LEMD1: variants seen among roughly 807,000 people sequenced by gnomAD.
The protein encoded by LEMD1 is LEM domain-containing protein 1.
In LEMD1, 18 loss-of-function variants were observed where a neutral mutation model predicts 17.4. The ratio of observed to expected loss-of-function variants is 1.04; its 90% CI spans 0.72 to 1.54. The LOEUF (loss-of-function observed/expected upper bound fraction) is 1.54, where lower values mean the gene tolerates loss of function less well. Ranked by LOEUF, LEMD1 falls within the 40% of genes most tolerant of loss-of-function variation. The probability of loss-of-function intolerance (pLI) is 0.00; values close to 1 mark genes in which losing one functional copy is unlikely to be tolerated. For missense variants in LEMD1, 195 were observed against 210.4 expected (o/e 0.93, Z 0.45); for synonymous variants, 88 against 77.8 (o/e 1.13, Z -0.69).
At chr1:205,400,987 A>C (rs1664822935) in intron 4 of LEMD1, among the ~76,000 whole-genome samples, 1 of 151,406 alleles carries the variant, frequency 6.6e-6, no homozygotes. Flanking sequence ...GAGAATGATG[A>C]TTTCCAATTT....
At chr1:205,406,500 C>A (rs1219592802) in intron 4 of LEMD1, among the ~76,000 whole-genome samples, 9 of 152,248 alleles carry the variant, frequency 5.9e-5, no homozygotes, top group Non-Finnish European at 1.3e-4. Flanking sequence ...GGGCGTAGGA[C>A]CCTCACATCC....
intron 3 of LEMD1, among the ~76,000 whole-genome samples, chr1:205,418,097 G>A (rs1018452776): frequency 6.6e-6 from 1 of 152,112 alleles, no homozygotes; most frequent in African/African-American, 2.4e-5. Flanking sequence ...TTCTGGGGCT[G>A]CTTCCGAGCT....
At chr1:205,425,825 T>C (rs1666048211), upstream of LEMD1, among the ~76,000 whole-genome samples, 1 of 152,192 alleles carries the variant, frequency 6.6e-6, no homozygotes, top group Non-Finnish European at 1.5e-5. Flanking sequence ...TAATAGCAAA[T>C]ATGCTTTTAA....
At chr1:205,389,815 G>A (rs1364218285) in intron 4 of LEMD1, among the ~76,000 whole-genome samples, 1 of 152,178 alleles carries the variant, frequency 6.6e-6, no homozygotes, top group Non-Finnish European at 1.5e-5. Flanking sequence ...TTAAAACTGA[G>A]TTAACTCCAA....
intron 5 of LEMD1, among the ~76,000 whole-genome samples, chr1:205,383,149 C>T (rs763409056): frequency 5.3e-5 from 8 of 152,116 alleles, no homozygotes; most frequent in South Asian, 4.1e-4. Flanking sequence ...AATGCAGTGG[C>T]GTGATCATAG....
upstream of LEMD1, among the ~76,000 whole-genome samples, chr1:205,423,978 G>A (rs1666023157): frequency 6.6e-6 from 1 of 152,004 alleles, no homozygotes; most frequent in South Asian, 2.1e-4. Context: ...AACGGAAATA[G>A]TAAAAGCCAG....
intron 1 of LEMD1, chr1:205,435,561 T>C (rs2102457935): frequency 6.6e-6 from 1 of 152,290 alleles, no homozygotes. Flanking sequence ...GAAGTACTGG[T>C]TTCAATTCCC....
At chr1:205,437,398 G>A (rs188989315) in intron 1 of LEMD1, 8 of 152,492 alleles carry the variant, frequency 5.2e-5, no homozygotes, top group African/African-American at 1.4e-4. Flanking sequence ...GGCCTAGACA[G>A]GACCTGGAGT....
At chr1:205,428,228 C>A (rs1378130234) in intron 1 of LEMD1, among the ~76,000 whole-genome samples, 1 of 152,198 alleles carries the variant, frequency 6.6e-6, no homozygotes, top group Non-Finnish European at 1.5e-5. Flanking sequence ...ACCCCTCACC[C>A]TGCTTCAACA....
chr1:205,415,265 G>A (rs1665638983), intron 4 of LEMD1, among the ~76,000 whole-genome samples: 1 of 152,184 alleles, frequency 6.6e-6, no homozygotes, highest in South Asian at 2.1e-4. Flanking sequence ...GAAGAAGCGA[G>A]GAAGGAAGGG....
At chr1:205,401,484 A>G (rs1282876590) in intron 4 of LEMD1, among the ~76,000 whole-genome samples, 2 of 152,022 alleles carry the variant, frequency 1.3e-5, no homozygotes, top group African/African-American at 4.8e-5. Flanking sequence ...TTTTGGCTGC[A>G]TAAATGTCTT....
chr1:205,418,705 G>A (rs558889771), intron 3 of LEMD1, among the ~76,000 whole-genome samples: 19 of 152,208 alleles, frequency 1.2e-4, no homozygotes, highest in Non-Finnish European at 1.5e-5. Context: ...TAGTAGAGAC[G>A]AGGTTTCACC....
Position 205,420,496 on chromosome 1 carries a change from T to C in LEMD1, c.41A>G (p.Asn14Ser). The C allele has an allele frequency of 3.1e-6, 5 of 1,614,148 alleles. No individual in the cohort carries two copies. Among genetic ancestry groups the C allele is most frequent in the Non-Finnish European group, 4.2e-6 (5 of 1,180,006 alleles). Residue 14 changes from asparagine to serine, a missense_variant, in exon 2 of 6, where the codon AAC (asparagine) becomes AGC (serine). By Grantham distance (46) the Asn-to-Ser change is conservative. Transcript: ENST00000367153. Reference sequence around the variant, plus strand: ...TGAAAATCCAAGCTTCTCAAGTTGGTTCTGCAATTTACAGTCACTCAGACA... The same window carrying C: ...TGAAAATCCAAGCTTCTCAAGTTGGCTCTGCAATTTACAGTCACTCAGACA... ...VKCLSDCKLQ[N>S]QLEKLGFSPG...
At chr1:205,410,874 AG>A (rs1225780880) in intron 4 of LEMD1, among the ~76,000 whole-genome samples, 1 of 151,784 alleles carries the variant, frequency 6.6e-6, no homozygotes, top group Non-Finnish European at 1.5e-5. Context: ...GAGAAAGGAA[AG>A]AAAGAAAAGA....
intron 4 of LEMD1, among the ~76,000 whole-genome samples, chr1:205,410,800 A>C (rs1665354624): frequency 6.6e-6 from 1 of 152,032 alleles, no homozygotes; most frequent in East Asian, 1.9e-4. Context: ...CAAGGAGGTC[A>C]AGGCTGCAGT....
At chr1:205,385,847 G>A (rs996288131) in intron 4 of LEMD1, 1 of 152,312 alleles carries the variant, frequency 6.6e-6, no homozygotes, top group South Asian at 2.1e-4. Flanking sequence ...AGAGCCTGCA[G>A]GCTGCAGACA....
chr1:205,400,695 T>C (rs1365687530), intron 4 of LEMD1, among the ~76,000 whole-genome samples: 1 of 152,138 alleles, frequency 6.6e-6, no homozygotes, highest in Non-Finnish European at 1.5e-5. Flanking sequence ...TCTTTTTTTT[T>C]CCTTTTTTAA....
upstream of LEMD1, among the ~76,000 whole-genome samples, chr1:205,423,444 G>A (rs939436231): frequency 1.3e-5 from 2 of 152,162 alleles, no homozygotes; most frequent in Admixed American, 1.3e-4. Context: ...GCCAGCAGGT[G>A]GAACTGCTTC....
intron 4 of LEMD1, among the ~76,000 whole-genome samples, chr1:205,391,245 C>T (rs978689020): frequency 3.3e-5 from 5 of 152,068 alleles, no homozygotes; most frequent in African/African-American, 9.7e-5. Context: ...TACAGCCAAT[C>T]CCCCTGGACA....
Sources: gnomAD v4.1 joint callset for allele counts (sites outside exome capture counted in the v4.1 genomes callset) on GRCh38, gnomAD v4.1.1 for gene constraint, MANE v1.5 for transcripts, NCBI Gene and HGNC (gene_info 2026-07-23, HGNC 2026-07-21) for gene names.